Variants in MGAT4C observed in about 807,000 individuals in gnomAD.
MGAT4C encodes MGAT4 family member C.
A neutral mutation model predicts 40.1 loss-of-function variants in MGAT4C; 19 were observed. That is an observed-to-expected ratio of 0.47 (90% CI 0.33 to 0.70). The LOEUF (loss-of-function observed/expected upper bound fraction) is 0.70. Ranked by LOEUF, MGAT4C falls within the 30% of genes least tolerant of loss-of-function variation. The pLI is 0.02. For synonymous variants in MGAT4C, 181 were observed against 187.1 expected, an observed-to-expected ratio of 0.97 and a Z score of 0.27; for missense variants, 491 against 563.2, an observed-to-expected ratio of 0.87 and a Z score of 1.30.
chr12:86,426,057 T>C (rs1956919369), intron 3 of MGAT4C, among the ~76,000 whole-genome samples: 1 of 152,222 alleles, frequency 6.6e-6, no homozygotes, highest in Non-Finnish European at 1.5e-5. Flanking sequence ...GCAATAAACA[T>C]ATTTAAATAT....
At chr12:86,274,882 A>G (rs1233638773) in intron 4 of MGAT4C, among the ~76,000 whole-genome samples, 2 of 152,154 alleles carry the variant, frequency 1.3e-5, no homozygotes, top group Non-Finnish European at 2.9e-5. Flanking sequence ...AGAGTGTGAG[A>G]AAAGTGGACA....
intron 4 of MGAT4C, among the ~76,000 whole-genome samples, chr12:85,982,884 A>G (rs1884770797): frequency 6.6e-6 from 1 of 152,192 alleles, no homozygotes; most frequent in African/African-American, 2.4e-5. Context: ...AGACAAAGAG[A>G]AGAAGGCCAT....
chr12:86,202,554 T>G (rs2135936749), intron 1 of MGAT4C, among the ~76,000 whole-genome samples: 1 of 151,988 alleles, frequency 6.6e-6, no homozygotes, highest in South Asian at 2.1e-4. Context: ...TAGGTTGATA[T>G]TTTTCACCAG....
chr12:86,584,050 C>T (rs1255876603), intron 2 of MGAT4C, among the ~76,000 whole-genome samples: 1 of 150,562 alleles, frequency 6.6e-6, no homozygotes, highest in Non-Finnish European at 1.5e-5. Flanking sequence ...TAAGGAATAA[C>T]AAGGACGATA....
chr12:86,383,126 C>A (rs186689706), intron 3 of MGAT4C, among the ~76,000 whole-genome samples: 29 of 152,280 alleles, frequency 1.9e-4, no homozygotes, highest in African/African-American at 6.7e-4. Context: ...CATGAAGCAG[C>A]CAGGAGAGGG....
chr12:86,560,000 T>C (rs1000466918), intron 2 of MGAT4C, among the ~76,000 whole-genome samples: 7 of 151,822 alleles, frequency 4.6e-5, no homozygotes, highest in African/African-American at 1.2e-4. Flanking sequence ...CAAGGGTCAA[T>C]AGAAACTGTT....
intron 2 of MGAT4C, among the ~76,000 whole-genome samples, chr12:86,532,790 T>C (rs1223085959): frequency 6.6e-6 from 1 of 152,032 alleles, no homozygotes; most frequent in Admixed American, 6.6e-5. Flanking sequence ...GCTCAATCTT[T>C]TGTCATTTTT....
intron 2 of MGAT4C, among the ~76,000 whole-genome samples, chr12:86,041,598 G>A (rs1039547464): frequency 2.0e-5 from 3 of 152,014 alleles, no homozygotes; most frequent in Admixed American, 6.6e-5. Flanking sequence ...TTCAGGATTA[G>A]GTTGTTTAAT....
chr12:86,281,544 T>C (rs1473810957), intron 4 of MGAT4C, among the ~76,000 whole-genome samples: 1 of 152,040 alleles, frequency 6.6e-6, no homozygotes, highest in Non-Finnish European at 1.5e-5. Context: ...TTATATTTAA[T>C]TTTTAATTTT....
intron 2 of MGAT4C, among the ~76,000 whole-genome samples, chr12:86,629,375 C>A (rs1046537132): frequency 2.7e-4 from 41 of 152,202 alleles, no homozygotes; most frequent in African/African-American, 9.9e-4. Context: ...ATATCCAGGA[C>A]TTGAACTCAG....
intron 3 of MGAT4C, among the ~76,000 whole-genome samples, chr12:86,346,386 G>A (rs1237498668): frequency 3.3e-5 from 5 of 151,916 alleles, no homozygotes; most frequent in Admixed American, 6.6e-5. Flanking sequence ...CACCATGCCC[G>A]ACTAATTTTT....
At chr12:86,468,856 C>T (rs1420099436) in intron 2 of MGAT4C, among the ~76,000 whole-genome samples, 1 of 152,110 alleles carries the variant, frequency 6.6e-6, no homozygotes, top group Non-Finnish European at 1.5e-5. Context: ...CTTATATTCC[C>T]AATGAACACT....
chr12:86,834,633 C>A (rs1953000131), intron 1 of MGAT4C, among the ~76,000 whole-genome samples: 1 of 151,492 alleles, frequency 6.6e-6, no homozygotes, highest in Non-Finnish European at 1.5e-5. Context: ...CACACACACA[C>A]ACACCCCTTT....
intron 4 of MGAT4C, among the ~76,000 whole-genome samples, chr12:86,332,392 C>CT (rs1438047931): frequency 1.3e-5 from 2 of 149,676 alleles, no homozygotes; most frequent in East Asian, 3.9e-4. Flanking sequence ...ATTTTTTTTT[C>CT]TTTTTTTGGT....
chr12:86,693,635 T>C (rs1950207824), intron 2 of MGAT4C, among the ~76,000 whole-genome samples: 1 of 152,144 alleles, frequency 6.6e-6, no homozygotes, highest in Non-Finnish European at 1.5e-5. Context: ...ATGACAGTTG[T>C]AATTTTTAGA....
chr12:86,452,983 T>A (rs1957452096), intron 2 of MGAT4C, among the ~76,000 whole-genome samples: 1 of 152,192 alleles, frequency 6.6e-6, no homozygotes, highest in Non-Finnish European at 1.5e-5. Context: ...AAATCTTCAG[T>A]CACATGAGTT....
At chr12:86,526,543 C>G (rs1021887642) in intron 2 of MGAT4C, among the ~76,000 whole-genome samples, 12 of 151,988 alleles carry the variant, frequency 7.9e-5, no homozygotes, top group Admixed American at 2.6e-4. Context: ...ATGATGGAGG[C>G]CCCCAGGGAA....
intron 2 of MGAT4C, among the ~76,000 whole-genome samples, chr12:86,680,856 T>C (rs1346347815): frequency 2.0e-5 from 3 of 151,950 alleles, no homozygotes; most frequent in Admixed American, 2.0e-4. Context: ...CTTCTTTCTA[T>C]AGTTGTGAAT....
intron 2 of MGAT4C, among the ~76,000 whole-genome samples, chr12:86,669,350 A>G (rs1964194870): frequency 6.6e-6 from 1 of 152,106 alleles, no homozygotes; most frequent in African/African-American, 2.4e-5. Flanking sequence ...AAGCCCAGTC[A>G]TATCTCCAGG....
Sources: allele counts gnomAD v4.1 joint callset (sites outside exome capture counted in the v4.1 genomes callset), GRCh38; gene constraint gnomAD v4.1.1; transcripts MANE v1.5; gene names NCBI Gene and HGNC (gene_info 2026-07-23, HGNC 2026-07-21).